KIRREL3: variants seen among roughly 807,000 people sequenced by gnomAD.
The protein encoded by KIRREL3 is kirre like nephrin family adhesion molecule 3.
Under a neutral mutation model 89.7 loss-of-function variants are expected in KIRREL3, and 36 were observed. The observed-to-expected ratio is 0.40, with a 90% CI of 0.31 to 0.53. KIRREL3 has a LOEUF of 0.53. Among genes scored for constraint, KIRREL3 ranks in the 20% least tolerant of loss-of-function variants. KIRREL3 has a pLI of 0.49. For missense variants in KIRREL3, 864 were observed against 1,056.6 expected (o/e 0.82, Z 2.53); for synonymous variants, 445 against 441.4 (o/e 1.01, Z -0.10).
At chr11:126,829,779 A>G (rs1355875847) in intron 1 of KIRREL3, among the ~76,000 whole-genome samples, 2 of 152,236 alleles carry the variant, frequency 1.3e-5, no homozygotes, top group Non-Finnish European at 2.9e-5. Flanking sequence ...AAGGAAATAC[A>G]CATGTGAAAA....
At chr11:126,980,953 G>C (rs1939995) in intron 1 of KIRREL3, among the ~76,000 whole-genome samples, 24,225 of 152,118 alleles carry the variant, frequency 0.16, 2,149 homozygotes, top group African/African-American at 0.25. Flanking sequence ...GATTCAGTTA[G>C]GACACAATAA....
chr11:126,860,689 G>T lies in KIRREL3; in HGVS notation c.55+139766C>A, dbSNP rs1944674833. Among the ~76,000 whole-genome samples the T allele has an allele frequency of 6.6e-6, 1 of 152,194 alleles. No homozygotes were observed. Among genetic ancestry groups the T allele is most frequent in the Non-Finnish European group, 1.5e-5 (1 of 68,038 alleles). On this transcript the variant is annotated intron_variant, in intron 1 of 16. Coordinates refer to ENST00000525144, the MANE Select transcript of KIRREL3 (RefSeq NM_032531.4). The surrounding 1 kb of genome is among the most constrained non-coding windows in gnomAD (Gnocchi z 4.6). ...GAATGGCTTGGGGGGCTGTGTGTTT[G>T]AGAGACTTCTTCCCAACCACAGGGT...
chr11:126,781,494 T>C (rs763319705), intron 1 of KIRREL3, among the ~76,000 whole-genome samples: 3 of 152,246 alleles, frequency 2.0e-5, no homozygotes, highest in Non-Finnish European at 4.4e-5. Context: ...TTTTGTTTCA[T>C]GCTCCCTCCC....
In KIRREL3 at chr11:126,562,043, C is replaced by T. The variant is rs1397593592; in HGVS notation, c.133+792G>A. Among the ~76,000 whole-genome samples, 1 of 152,156 alleles carries T rather than the reference C, an allele frequency of 6.6e-6. No homozygotes were observed. Among genetic ancestry groups the T allele is most frequent in the African/African-American group, 2.4e-5 (1 of 41,422 alleles). The stretch of plus-strand genomic sequence containing the variant: ...GCATGGCTGGTGGGAGCCAAGGCTT[C>T]ATTTGTCTGACTTTAATGAATAAAT... On this transcript the variant is annotated intron_variant, in intron 2 of 16. Coordinates refer to ENST00000525144, the MANE Select transcript of KIRREL3 (RefSeq NM_032531.4). The surrounding 1 kb of genome is among the most constrained non-coding windows in gnomAD (Gnocchi z 4.7).
rs188348038 is a variant in KIRREL3, at chr11:126,450,698, C to T, written c.849-1541G>A. ...CCATGTGCATGGTGCGTGTGTGGTG[C>T]GTGCATGTGCGAGTTTGTGCATGTG... is the stretch of plus-strand genomic sequence containing the variant. On this transcript the variant is annotated intron_variant, in intron 7 of 16. Coordinates refer to ENST00000525144, the MANE Select transcript of KIRREL3 (RefSeq NM_032531.4). 2.3e-3 allele frequency among the ~76,000 whole-genome samples: 237 copies of T among 105,156 alleles called. 1 individual carries two copies. The highest frequency in any genetic ancestry group is 8.5e-3 in the African/African-American group (222 of 25,990). 69.0% of individuals were successfully genotyped at this position (105,156 alleles called of 152,430 possible). A position where few individuals can be genotyped will look rare whatever the true frequency, so the allele number is the denominator to read the frequency against.
chr11:126,562,198 G>A lies in KIRREL3; in HGVS notation c.133+637C>T, dbSNP rs1347915199. On this transcript the variant is annotated intron_variant, in intron 2 of 16. Transcript: ENST00000525144. The surrounding 1 kb of genome is among the most constrained non-coding windows in gnomAD (Gnocchi z 4.7). ...AGAGGATTGGTTCTTTATTACAGCA[G>A]ACCCGTAAGTGACAGCACTCCTCCT... Among the ~76,000 whole-genome samples, 1 of 152,164 alleles carries A rather than the reference G, an allele frequency of 6.6e-6. No individual in the cohort carries two copies.
intron 1 of KIRREL3, among the ~76,000 whole-genome samples, chr11:126,861,481 G>C (rs192860177): frequency 1.3e-5 from 2 of 152,250 alleles, no homozygotes; most frequent in Admixed American, 1.3e-4. Context: ...AGTGCCTTCC[G>C]TTGGCTGAAC....
At position 126,877,921 on chromosome 11, in the gene KIRREL3, C is replaced by T. The variant is rs898258446; in HGVS notation, c.55+122534G>A. Reference sequence around the variant, plus strand: ...TGCAGCGTGTTAAGGCTGGAACTCCCCCCTAGAGACATAGTCCAAGCTTCT... The same window carrying T: ...TGCAGCGTGTTAAGGCTGGAACTCCTCCCTAGAGACATAGTCCAAGCTTCT... On this transcript the variant is annotated intron_variant, in intron 1 of 16. Transcript: ENST00000525144. This position sits in a 1 kb window ranked among gnomAD's most constrained non-coding sequence, Gnocchi z 4.9. Among the ~76,000 whole-genome samples the T allele has an allele frequency of 6.6e-6, 1 of 152,094 alleles. No individual in the cohort carries two copies. Among genetic ancestry groups the T allele is most frequent in the African/African-American group, 2.4e-5 (1 of 41,410 alleles).
At position 126,908,568 on chromosome 11, in the gene KIRREL3, C is replaced by T. The variant is rs770711054; in HGVS notation, c.55+91887G>A. Among the ~76,000 whole-genome samples the T allele has an allele frequency of 9.2e-5, 14 of 152,112 alleles. No individual in the cohort carries two copies. The highest frequency in any genetic ancestry group is 2.1e-4 in the South Asian group (1 of 4,828). The stretch of plus-strand genomic sequence containing the variant: ...AGAACAGGGCAGGGCATAGGGTAAA[C>T]GTTCTAGAAACACTGGCTATTACTA... On this transcript the variant is annotated intron_variant, in intron 1 of 16. Coordinates refer to ENST00000525144, the MANE Select transcript of KIRREL3 (RefSeq NM_032531.4). The surrounding 1 kb of genome is among the most constrained non-coding windows in gnomAD (Gnocchi z 4.2).
chr11:126,472,820 C>CA (rs1316991835), intron 5 of KIRREL3, among the ~76,000 whole-genome samples: 2 of 149,896 alleles, frequency 1.3e-5, no homozygotes, highest in African/African-American at 4.9e-5. Context: ...AGTGAGAGAG[C>CA]AAAAAAAGAT....
rs1231541066 is a variant in KIRREL3 at position 126,754,044 on chromosome 11, C to G, written c.56-191132G>C. Among the ~76,000 whole-genome samples the G allele has an allele frequency of 6.6e-6, 1 of 152,150 alleles. No individual in the cohort carries two copies. Among genetic ancestry groups the G allele is most frequent in the Non-Finnish European group, 1.5e-5 (1 of 68,034 alleles). ...CATTCTTAGTTAACAATGTAAGATA[C>G]ATGATGGCTGCTAAACAATTTGGTG... On this transcript the variant is annotated intron_variant, in intron 1 of 16. Transcript: ENST00000525144. This position sits in a 1 kb window ranked among gnomAD's most constrained non-coding sequence, Gnocchi z 5.1.
In KIRREL3 at chr11:126,612,493, T is replaced by A. The variant is rs1259679439; in HGVS notation, c.56-49581A>T. 6.6e-6 allele frequency among the ~76,000 whole-genome samples: 1 copy of A among 152,226 alleles called. No individual in the cohort carries two copies. The highest frequency in any genetic ancestry group is 1.5e-5 in the Non-Finnish European group (1 of 68,036). On this transcript the variant is annotated intron_variant, in intron 1 of 16. Transcript: ENST00000525144. The surrounding 1 kb of genome is among the most constrained non-coding windows in gnomAD (Gnocchi z 4.5). The stretch of plus-strand genomic sequence containing the variant: ...GCTTTAGGGGTTAGTCTTTTTTAAG[T>A]ACATTCGTTAAAAAAGAGATGTTGT...
chr11:126,892,082 G>A lies in KIRREL3; in HGVS notation c.55+108373C>T, dbSNP rs1013614229. On this transcript the variant is annotated intron_variant, in intron 1 of 16. Transcript: ENST00000525144. The surrounding 1 kb of genome is among the most constrained non-coding windows in gnomAD (Gnocchi z 5.4). The stretch of plus-strand genomic sequence containing the variant: ...TGATCCTGGCTCTATCAGTGTCTCT[G>A]TGCACCAGAGAGAGGCCACTTAGCC... Among the ~76,000 whole-genome samples, 22 of 152,166 alleles carry A rather than the reference G, an allele frequency of 1.4e-4. No homozygotes were observed. Among genetic ancestry groups the A allele is most frequent in the African/African-American group, 5.3e-4 (22 of 41,418 alleles).
rs775083671 is a variant in KIRREL3 at position 126,440,087 on chromosome 11, G to A, written c.1353+362C>T. On this transcript the variant is annotated intron_variant, in intron 11 of 16. Coordinates refer to ENST00000525144, the MANE Select transcript of KIRREL3 (RefSeq NM_032531.4). ...AGAAAGGGGTTGCCAACTATTACCTGCGCTCTAAGATTTTGCTAAAGACTG... is the reference window on the plus strand; with the variant it reads ...AGAAAGGGGTTGCCAACTATTACCTACGCTCTAAGATTTTGCTAAAGACTG... 1.6e-5 allele frequency: 7 copies of A among 445,256 alleles called. 1 individual carries two copies. The highest frequency in any genetic ancestry group is 1.3e-4 in the South Asian group (7 of 52,972). 27.6% of individuals were successfully genotyped at this position (445,256 alleles called of 1,614,324 possible).
In KIRREL3 at chr11:126,453,934, A is replaced by G. The variant is rs533554975; in HGVS notation, c.848+2415T>C. ...AGGAGGGGCCGGCTGTGATACTGTGAGCTCCAGGGGAGTACGAAAGGGAGG... is the reference window on the plus strand; with the variant it reads ...AGGAGGGGCCGGCTGTGATACTGTGGGCTCCAGGGGAGTACGAAAGGGAGG... On this transcript the variant is annotated intron_variant, in intron 7 of 16. Coordinates refer to ENST00000525144, the MANE Select transcript of KIRREL3 (RefSeq NM_032531.4). Among the ~76,000 whole-genome samples, 18 of 152,214 alleles carry G rather than the reference A, an allele frequency of 1.2e-4. No homozygotes were observed. In the South Asian group the frequency reaches 1.9e-3, roughly 16 times the overall value.
chr11:126,677,153 A>G lies in KIRREL3; in HGVS notation c.56-114241T>C, dbSNP rs1946231322. ...AATATATTCGCAGATTTGCACAACCACCACCACAGTCCATTTAGAACCTTT... is the reference window on the plus strand; with the variant it reads ...AATATATTCGCAGATTTGCACAACCGCCACCACAGTCCATTTAGAACCTTT... On this transcript the variant is annotated intron_variant, in intron 1 of 16. Transcript: ENST00000525144. This position sits in a 1 kb window ranked among gnomAD's most constrained non-coding sequence, Gnocchi z 5.1. Among the ~76,000 whole-genome samples the G allele has an allele frequency of 6.6e-6, 1 of 151,972 alleles. No individual in the cohort carries two copies. Among genetic ancestry groups the G allele is most frequent in the Non-Finnish European group, 1.5e-5 (1 of 67,990 alleles).
In KIRREL3 at chr11:126,656,486, G is replaced by A. The variant is rs777954986; in HGVS notation, c.56-93574C>T. On this transcript the variant is annotated intron_variant, in intron 1 of 16. Coordinates refer to ENST00000525144, the MANE Select transcript of KIRREL3 (RefSeq NM_032531.4). The surrounding 1 kb of genome is among the most constrained non-coding windows in gnomAD (Gnocchi z 4.0). The stretch of plus-strand genomic sequence containing the variant: ...AGATTTTTATAAAATGAGACTTCAC[G>A]TGGAATCTCAACATACAAAATTGGC... Among the ~76,000 whole-genome samples the A allele has an allele frequency of 6.6e-6, 1 of 152,132 alleles. No homozygotes were observed. Among genetic ancestry groups the A allele is most frequent in the East Asian group, 1.9e-4 (1 of 5,192 alleles).
rs571520761 is a variant in KIRREL3 at position 126,527,602 on chromosome 11, T to C, written c.134-915A>G. ...TGAAAAATAGTAATGGGAGCTGTGC[T>C]TGTGAATTGCTCACCAAGTACGGCG... On this transcript the variant is annotated intron_variant, in intron 2 of 16. Transcript: ENST00000525144. The surrounding 1 kb of genome is among the most constrained non-coding windows in gnomAD (Gnocchi z 4.2). Among the ~76,000 whole-genome samples the C allele has an allele frequency of 1.5e-4, 23 of 152,366 alleles. No homozygotes were observed. Among genetic ancestry groups the C allele is most frequent in the Middle Eastern group, 6.8e-3 (2 of 294 alleles).
intron 1 of KIRREL3, among the ~76,000 whole-genome samples, chr11:126,599,289 A>G (rs1159673105): frequency 3.3e-5 from 5 of 152,074 alleles, no homozygotes; most frequent in African/African-American, 1.2e-4. Flanking sequence ...AGCTGCTTCC[A>G]TTGTCTCAGC....
Sources: allele counts gnomAD v4.1 joint callset (sites outside exome capture counted in the v4.1 genomes callset), GRCh38; gene constraint gnomAD v4.1.1; non-coding constraint Gnocchi (gnomAD v3.1); transcripts MANE v1.5; gene names NCBI Gene and HGNC (gene_info 2026-07-23, HGNC 2026-07-21).